Variants in NLK observed in about 807,000 individuals in gnomAD.
The protein encoded by NLK is serine/threonine-protein kinase NLK.
NLK carries 11 observed loss-of-function variants against 59.0 expected under a neutral mutation model. The ratio of observed to expected loss-of-function variants is 0.19; its 90% CI spans 0.12 to 0.31. The LOEUF (loss-of-function observed/expected upper bound fraction) is 0.31, where lower values mean the gene tolerates loss of function less well. Ranked by LOEUF, NLK falls within the 10% of genes least tolerant of loss-of-function variation. The probability of loss-of-function intolerance (pLI) is 1.00; values close to 1 mark genes in which losing one functional copy is unlikely to be tolerated. For synonymous variants in NLK, 235 were observed against 235.9 expected (o/e 1.00, Z 0.03); for missense variants, 410 against 661.1 (o/e 0.62, Z 4.16).
At position 28,141,026 on chromosome 17, in the gene NLK, A is replaced by G. The variant is rs147152985; in HGVS notation, c.644+8351A>G. Among the ~76,000 whole-genome samples, 502 of 152,266 alleles carry G rather than the reference A, an allele frequency of 3.3e-3. 4 individuals carry two copies. The highest frequency in any genetic ancestry group is 0.031 in the Middle Eastern group (9 of 294). ...TAACCCTTTTTGCATAGCTTTTCTA[A>G]TTAAATAACAATATGAAACAGTGCT... On this transcript the variant is annotated intron_variant, in intron 3 of 10. Transcript: ENST00000407008.
intron 1 of NLK, among the ~76,000 whole-genome samples, chr17:28,075,316 CTG>C (rs1431967206): frequency 6.6e-6 from 1 of 152,184 alleles, no homozygotes; most frequent in Non-Finnish European, 1.5e-5. Flanking sequence ...ACTGGATAGG[CTG>C]TGTTTGCAGT....
chr17:28,053,475 T>A (rs141712471), intron 1 of NLK, among the ~76,000 whole-genome samples: 1 of 152,310 alleles, frequency 6.6e-6, no homozygotes, highest in African/African-American at 2.4e-5. Flanking sequence ...AGAGCAGATA[T>A]CTCCTATTGA....
At chr17:28,096,582 T>C (rs1904708795) in intron 1 of NLK, among the ~76,000 whole-genome samples, 1 of 152,132 alleles carries the variant, frequency 6.6e-6, no homozygotes, top group African/African-American at 2.4e-5. Flanking sequence ...AACTTTAATA[T>C]TGGAATCCTG....
intron 6 of NLK, chr17:28,171,229 C>T (rs780423475): frequency 4.6e-5 from 7 of 152,180 alleles, no homozygotes; most frequent in Non-Finnish European, 7.3e-5. Context: ...TCTCAAGTAT[C>T]TCCATTAACC....
chr17:28,048,228 T>G (rs1420542049), intron 1 of NLK: 1 of 344,492 alleles, frequency 2.9e-6, no homozygotes, highest in Non-Finnish European at 5.2e-6. Flanking sequence ...TCTTGGTGGT[T>G]GAAACTCCAT....
At chr17:28,171,892 T>C (rs563247893) in intron 6 of NLK, among the ~76,000 whole-genome samples, 4 of 152,220 alleles carry the variant, frequency 2.6e-5, no homozygotes, top group African/African-American at 9.6e-5. Flanking sequence ...TCAAAACATA[T>C]TTTCTATATT....
intron 1 of NLK, among the ~76,000 whole-genome samples, chr17:28,078,883 A>T (rs1470150909): frequency 1.3e-5 from 2 of 152,172 alleles, no homozygotes; most frequent in African/African-American, 4.8e-5. Context: ...ACTCTTATGG[A>T]TTCTTTTTAT....
At chr17:28,099,564 T>G (rs1904827133) in intron 1 of NLK, among the ~76,000 whole-genome samples, 1 of 150,502 alleles carries the variant, frequency 6.6e-6, no homozygotes, top group Non-Finnish European at 1.5e-5. Context: ...TCTTTTGTGT[T>G]TGACTTTTTT....
rs34091940 is a variant in NLK, at chr17:28,142,510, C to G, written c.644+9835C>G. On this transcript the variant is annotated intron_variant, in intron 3 of 10. Transcript: ENST00000407008. ...GTTGCAAAGAAGATGATGAGATTTACGGCTGACCATTTGTTACAAGAGAAC... is the reference window on the plus strand; with the variant it reads ...GTTGCAAAGAAGATGATGAGATTTAGGGCTGACCATTTGTTACAAGAGAAC... 6.6e-3 allele frequency among the ~76,000 whole-genome samples: 999 copies of G among 152,234 alleles called. 17 individuals carry two copies. Among genetic ancestry groups the G allele is most frequent in the African/African-American group, 0.022 (930 of 41,524 alleles).
chr17:28,161,352 A>G, intron 4 of NLK, 86 bp downstream of exon 4: 1 of 711,068 alleles, frequency 1.4e-6, no homozygotes, highest in East Asian at 2.6e-5. Flanking sequence ...CCGATCTTCC[A>G]AGGTTTTCTT....
In NLK at chr17:28,042,947, C is replaced by G; in HGVS notation, c.74C>G (p.Ala25Gly). The change falls in exon 1 of 11, where the codon GCA (alanine) becomes GGA (glycine). Residue 25 changes from alanine (A) to glycine (G), a missense_variant. Physicochemically the swap from Ala to Gly is moderately conservative, Grantham distance 60. This residue lies in a region of NLK where 160 missense variants were observed against 171.0 expected (regional missense o/e 0.94). Transcript: ENST00000407008. ...AATGGCGGTACATCTGCAGCAGCAG[C>G]AGGTCACCACCACCACCATCACCAC... Reference protein sequence around the residue: ...AYNGGTSAAAAGHHHHHHHHL... With the variant: ...AYNGGTSAAAGGHHHHHHHHL... 6.4e-7 allele frequency: 1 copy of G among 1,551,826 alleles called. No homozygotes were observed. The highest frequency in any genetic ancestry group is 8.7e-7 in the Non-Finnish European group (1 of 1,147,124).
chr17:28,073,935 T>A (rs1238548427), intron 1 of NLK, among the ~76,000 whole-genome samples: 2 of 152,250 alleles, frequency 1.3e-5, no homozygotes, highest in South Asian at 2.1e-4. Flanking sequence ...TAAAGTTTGT[T>A]GAATTGAGTT....
intron 2 of NLK, among the ~76,000 whole-genome samples, chr17:28,132,035 A>C (rs199604299): frequency 6.6e-6 from 1 of 152,222 alleles, no homozygotes; most frequent in Admixed American, 6.5e-5. Context: ...TCGATCAACC[A>C]ACTGCCACTC....
At chr17:28,202,797 C>T in the NLK span, among the ~76,000 whole-genome samples, 32 of 151,770 alleles carry the variant, frequency 2.1e-4, no homozygotes, top group African/African-American at 7.3e-4. Flanking sequence ...ATTTTCCTGC[C>T]TCAGCCTCCC....
chr17:28,187,464 G>A (rs550332938), intron 8 of NLK, among the ~76,000 whole-genome samples: 8 of 152,134 alleles, frequency 5.3e-5, no homozygotes, highest in East Asian at 3.9e-4. Flanking sequence ...CACCACACCC[G>A]GCTAATTTTA....
intron 3 of NLK, among the ~76,000 whole-genome samples, chr17:28,139,535 C>T (rs918501188): frequency 6.6e-6 from 1 of 152,164 alleles, no homozygotes; most frequent in Non-Finnish European, 1.5e-5. Flanking sequence ...TCTGGTTAGC[C>T]TTGCTTATTC....
intron 3 of NLK, among the ~76,000 whole-genome samples, chr17:28,147,422 GATT>G (rs1907301913): frequency 6.6e-6 from 1 of 152,146 alleles, no homozygotes; most frequent in Non-Finnish European, 1.5e-5. Context: ...GTGTGAGGCT[GATT>G]ATTATGCATT....
chr17:28,114,940 A>G (rs1301959506), intron 1 of NLK, among the ~76,000 whole-genome samples: 1 of 152,220 alleles, frequency 6.6e-6, no homozygotes, highest in Non-Finnish European at 1.5e-5. Flanking sequence ...AGAAAACACT[A>G]AGATATCACA....
At chr17:28,113,952 T>C (rs1905639670) in intron 1 of NLK, among the ~76,000 whole-genome samples, 1 of 151,350 alleles carries the variant, frequency 6.6e-6, no homozygotes, top group Admixed American at 6.6e-5. Flanking sequence ...TAACTTTGCC[T>C]TTTTTTTTAA....
Sources: gnomAD v4.1 joint callset for allele counts (sites outside exome capture counted in the v4.1 genomes callset) on GRCh38, gnomAD v4.1.1 for gene constraint, gnomAD v4.1.1 regional missense constraint, MANE v1.5 for transcripts, NCBI Gene and HGNC (gene_info 2026-07-23, HGNC 2026-07-21) for gene names.